Variants in CNTNAP2 observed in about 807,000 individuals in gnomAD.
The protein encoded by CNTNAP2 is contactin associated protein 2.
In CNTNAP2, 98 loss-of-function variants were observed where a neutral mutation model predicts 155.2. The ratio of observed to expected loss-of-function variants is 0.63; its 90% CI spans 0.54 to 0.75. The LOEUF (loss-of-function observed/expected upper bound fraction) is 0.75. Among genes scored for constraint, CNTNAP2 ranks in the 30% least tolerant of loss-of-function variants. The pLI, the probability that CNTNAP2 is intolerant of heterozygous loss-of-function variation, is 0.00. For synonymous variants in CNTNAP2, 651 were observed against 631.2 expected (o/e 1.03, Z -0.47); for missense variants, 1,727 against 1,688.1 (o/e 1.02, Z -0.40).
chr7:146,595,743 C>T (rs536676976), intron 1 of CNTNAP2, among the ~76,000 whole-genome samples: 1 of 152,132 alleles, frequency 6.6e-6, no homozygotes, highest in African/African-American at 2.4e-5. Flanking sequence ...TATAATTTTC[C>T]TATAATGCTG....
At chr7:147,131,097 T>C (rs912582347) in intron 7 of CNTNAP2, among the ~76,000 whole-genome samples, 2 of 149,510 alleles carry the variant, frequency 1.3e-5, no homozygotes, top group Non-Finnish European at 3.0e-5. Context: ...TGTGTATATA[T>C]ACACACACAT....
chr7:148,300,523 A>T (rs13225522), intron 21 of CNTNAP2, among the ~76,000 whole-genome samples: 44,725 of 142,092 alleles, frequency 0.31, 7,396 homozygotes, highest in Non-Finnish European at 0.39. Context: ...AATCATAACA[A>T]TTTTTTTTTT....
At chr7:147,444,246 CT>C (rs1318936152) in intron 10 of CNTNAP2, among the ~76,000 whole-genome samples, 1 of 152,144 alleles carries the variant, frequency 6.6e-6, no homozygotes, top group Non-Finnish European at 1.5e-5. Flanking sequence ...CAAAGAAAAA[CT>C]GTGTAACAAC....
chr7:147,083,935 A>G lies in CNTNAP2; in HGVS notation c.551-24212A>G, dbSNP rs189282789. Among the ~76,000 whole-genome samples, 978 of 137,580 alleles carry G rather than the reference A, an allele frequency of 7.1e-3. 8 individuals carry two copies. Among genetic ancestry groups the G allele is most frequent in the African/African-American group, 0.024 (931 of 38,438 alleles). 90.3% of individuals were successfully genotyped at this position (137,580 alleles called of 152,430 possible). A position where few individuals can be genotyped will look rare whatever the true frequency, so the allele number is the denominator to read the frequency against. Reference sequence around the variant, plus strand: ...CATATATACATATACACATGTATGTATATATTATATAGCATTATATATAGC... The same window carrying G: ...CATATATACATATACACATGTATGTGTATATTATATAGCATTATATATAGC... On this transcript the variant is annotated intron_variant, in intron 4 of 23. Coordinates refer to ENST00000361727, the MANE Select transcript of CNTNAP2 (RefSeq NM_014141.6).
At chr7:147,945,803 C>A (rs562006661) in intron 14 of CNTNAP2, among the ~76,000 whole-genome samples, 1 of 151,248 alleles carries the variant, frequency 6.6e-6, no homozygotes, top group African/African-American at 2.4e-5. Context: ...CTTGGTTGCA[C>A]TCCCTGGAAA....
At chr7:147,630,316 T>TAAAAAAAAAAAAAAAAAAAA (rs71183024) in intron 12 of CNTNAP2, among the ~76,000 whole-genome samples, 2 of 73,076 alleles carry the variant, frequency 2.7e-5, no homozygotes, top group African/African-American at 4.2e-5. Flanking sequence ...GAAACAGTAG[T>TAAAAAAAAAAAAAAAAAAAA]AAAAAAAAAA....
chr7:146,870,932 G>A (rs2129207189), intron 3 of CNTNAP2, among the ~76,000 whole-genome samples: 1 of 152,166 alleles, frequency 6.6e-6, no homozygotes, highest in Non-Finnish European at 1.5e-5. Context: ...GCCAAAAATA[G>A]CTATATTGTT....
At position 148,267,053 on chromosome 7, in the gene CNTNAP2, G is replaced by A. The variant is rs727503877; in HGVS notation, c.3402G>A (p.Val1134=). The change falls in exon 21 of 24, where the codon GTG becomes GTA. Residue 1134 remains valine, a synonymous_variant. Coordinates refer to ENST00000361727, the MANE Select transcript of CNTNAP2 (RefSeq NM_014141.6). ...TGCAGCTCGATCATTATCCTTCTGT[G>A]AGTTACCATCTGCCAAGTTCATCCG... is the stretch of plus-strand genomic sequence containing the variant. The part of the protein sequence containing the change: ...IFLKLDHYPS[V]SYHLPSSSDT... 28 of 1,613,988 alleles carry A rather than the reference G, an allele frequency of 1.7e-5. No individual in the cohort carries two copies. The highest frequency in any genetic ancestry group is 2.2e-5 in the Non-Finnish European group (26 of 1,180,010).
At chr7:148,397,630 T>C (rs1355580490) in intron 22 of CNTNAP2, among the ~76,000 whole-genome samples, 1 of 152,240 alleles carries the variant, frequency 6.6e-6, no homozygotes, top group Non-Finnish European at 1.5e-5. Context: ...AGGGAATAAA[T>C]CATCCCCAAG....
intron 1 of CNTNAP2, among the ~76,000 whole-genome samples, chr7:146,205,252 C>A (rs907655894): frequency 6.6e-6 from 1 of 151,848 alleles, no homozygotes; most frequent in Non-Finnish European, 1.5e-5. Flanking sequence ...CAGAAAGAAA[C>A]CAAGTAAATG....
chr7:146,441,337 TC>T (rs1279679174), intron 1 of CNTNAP2, among the ~76,000 whole-genome samples: 1 of 151,542 alleles, frequency 6.6e-6, no homozygotes, highest in Non-Finnish European at 1.5e-5. Context: ...CAGAGGACTT[TC>T]ATATTGCAAG....
chr7:146,205,879 T>A (rs933485296), intron 1 of CNTNAP2, among the ~76,000 whole-genome samples: 2 of 151,920 alleles, frequency 1.3e-5, no homozygotes, highest in East Asian at 3.9e-4. Flanking sequence ...AGTTTTATTC[T>A]TTCTGTCTCT....
chr7:147,416,234 T>C (rs1234088067), intron 10 of CNTNAP2, among the ~76,000 whole-genome samples: 2 of 152,186 alleles, frequency 1.3e-5, no homozygotes, highest in African/African-American at 4.8e-5. Flanking sequence ...ACAGGGACTA[T>C]TTCAAGAACA....
chr7:146,355,945 C>T (rs756218285), intron 1 of CNTNAP2, among the ~76,000 whole-genome samples: 1 of 151,966 alleles, frequency 6.6e-6, no homozygotes, highest in Non-Finnish European at 1.5e-5. Flanking sequence ...CATATTCTTA[C>T]ACATACAGCT....
At chr7:147,494,967 T>A (rs970920701) in intron 11 of CNTNAP2, among the ~76,000 whole-genome samples, 1 of 152,162 alleles carries the variant, frequency 6.6e-6, no homozygotes, top group African/African-American at 2.4e-5. Flanking sequence ...TAAATCACAG[T>A]TTCAACTCAT....
intron 8 of CNTNAP2, among the ~76,000 whole-genome samples, chr7:147,164,913 C>A (rs1252103445): frequency 6.6e-6 from 1 of 152,138 alleles, no homozygotes; most frequent in Non-Finnish European, 1.5e-5. Context: ...ATTTTCATTT[C>A]TTTTGATGGG....
chr7:148,105,500 C>G lies in CNTNAP2; in HGVS notation c.2384-12618C>G, dbSNP rs115703516. The stretch of plus-strand genomic sequence containing the variant: ...ATGCCATGTCACCGAGCTTGCAATA[C>G]TATATATTCTGCAAGCTATTTGGAA... On this transcript the variant is annotated intron_variant, in intron 15 of 23. Transcript: ENST00000361727. 3.7e-3 allele frequency among the ~76,000 whole-genome samples: 557 copies of G among 152,248 alleles called. 3 individuals are homozygous for G. The highest frequency in any genetic ancestry group is 0.013 in the African/African-American group (539 of 41,560).
rs540469648 is a variant in CNTNAP2, at chr7:146,240,066, T to C, written c.97+123093T>C. Among the ~76,000 whole-genome samples the C allele has an allele frequency of 2.6e-5, 4 of 152,344 alleles. No homozygotes were observed. In the East Asian group the frequency reaches 7.7e-4, roughly 29 times the overall value. ...CCATTTTATCCATTGTAATAAAGTT[T>C]ATTGAACACCTGCTATGTATAACTT... On this transcript the variant is annotated intron_variant, in intron 1 of 23. Transcript: ENST00000361727.
intron 13 of CNTNAP2, chr7:147,671,748 C>T (rs573217459): frequency 1.3e-5 from 2 of 152,330 alleles, no homozygotes; most frequent in African/African-American, 4.8e-5. Context: ...CACTAATTGG[C>T]TCCTCTGGCT....
Sources: gnomAD v4.1 joint callset for allele counts (sites outside exome capture counted in the v4.1 genomes callset) on GRCh38, gnomAD v4.1.1 for gene constraint, MANE v1.5 for transcripts, NCBI Gene and HGNC (gene_info 2026-07-23, HGNC 2026-07-21) for gene names.